PDIA5: variants seen among roughly 807,000 people sequenced by gnomAD.
PDIA5 encodes the protein protein disulfide isomerase family A member 5.
In PDIA5, 58 loss-of-function variants were observed where a neutral mutation model predicts 77.6. The ratio of observed to expected loss-of-function variants is 0.75; its 90% CI spans 0.61 to 0.93. The LOEUF is 0.93. Ranked by LOEUF, PDIA5 falls within the 40% of genes least tolerant of loss-of-function variation. PDIA5 has a pLI of 0.00. For synonymous variants in PDIA5, 250 were observed against 252.1 expected, an observed-to-expected ratio of 0.99 and a Z score of 0.08; for missense variants, 630 against 647.7, an observed-to-expected ratio of 0.97 and a Z score of 0.30.
chr3:123,077,982 G>A (rs1447425158), intron 1 of PDIA5, among the ~76,000 whole-genome samples: 1 of 151,870 alleles, frequency 6.6e-6, no homozygotes, highest in Non-Finnish European at 1.5e-5. Flanking sequence ...GCTAATTTTT[G>A]TATTTTTAGT....
At chr3:123,149,951 C>A (rs1361877935) in intron 13 of PDIA5, among the ~76,000 whole-genome samples, 1 of 152,136 alleles carries the variant, frequency 6.6e-6, no homozygotes, top group Non-Finnish European at 1.5e-5. Context: ...GAGTTCGTGG[C>A]CCACAACTGG....
At chr3:123,131,836 C>T (rs568469905) in intron 11 of PDIA5, among the ~76,000 whole-genome samples, 6 of 151,724 alleles carry the variant, frequency 4.0e-5, no homozygotes, top group African/African-American at 9.7e-5. Flanking sequence ...CAGACAAGGC[C>T]GCGTGAGAGC....
chr3:123,137,814 C>G (rs569005096), intron 11 of PDIA5, among the ~76,000 whole-genome samples: 1 of 152,170 alleles, frequency 6.6e-6, no homozygotes, highest in Non-Finnish European at 1.5e-5. Context: ...ATCCTGACCT[C>G]TGGGATTTGT....
In PDIA5 at chr3:123,131,000, G is replaced by A. The variant is rs572936247; in HGVS notation, c.910+384G>A. Reference sequence around the variant, plus strand: ...TAAAATTAGGGCTGATACCTCATATGGGGGCTCATACCTATAATCCCAGCA... The same window carrying A: ...TAAAATTAGGGCTGATACCTCATATAGGGGCTCATACCTATAATCCCAGCA... On this transcript the variant is annotated intron_variant, in intron 11 of 16. Transcript: ENST00000316218. Among the ~76,000 whole-genome samples, 235 of 152,294 alleles carry A rather than the reference G, an allele frequency of 1.5e-3. 1 individual carries two copies. Among genetic ancestry groups the A allele is most frequent in the African/African-American group, 5.3e-3 (220 of 41,560 alleles).
At chr3:123,078,841 T>C (rs1303653844) in intron 1 of PDIA5, among the ~76,000 whole-genome samples, 1 of 152,204 alleles carries the variant, frequency 6.6e-6, no homozygotes, top group Non-Finnish European at 1.5e-5. Context: ...TTTCATTTAG[T>C]GCATTATATC....
chr3:123,100,283 G>C (rs1028362315), intron 3 of PDIA5, among the ~76,000 whole-genome samples: 4 of 152,240 alleles, frequency 2.6e-5, no homozygotes, highest in Admixed American at 6.5e-5. Flanking sequence ...CTTCACCACA[G>C]AGTCCCTGCG....
intron 7 of PDIA5, among the ~76,000 whole-genome samples, chr3:123,112,313 C>CAT (rs920704446): frequency 1.3e-5 from 2 of 152,050 alleles, no homozygotes; most frequent in African/African-American, 4.8e-5. Flanking sequence ...AGGAGGGTGT[C>CAT]ATAGGCTCTG....
At position 123,102,452 on chromosome 3, in the gene PDIA5, A is replaced by G; in HGVS notation, c.299A>G (p.Asp100Gly). Residue 100 changes from aspartate (D) to glycine (G), a missense_variant, in exon 4 of 17, where the codon GAC (aspartate) becomes GGC (glycine). Asp to Gly is a moderately conservative substitution (Grantham distance 94, BLOSUM62 -1). Coordinates refer to ENST00000316218, the MANE Select transcript of PDIA5 (RefSeq NM_006810.4). ...AAATTGTGCAAGAAGATGAAAGTTG[A>G]CCTGAGCCCGAAGGACAAAAAGGTT... ...SRKLCKKMKV[D>G]LSPKDKKVEL... 6.2e-7 allele frequency: 1 copy of G among 1,614,128 alleles called. No individual in the cohort carries two copies. The highest frequency in any genetic ancestry group is 8.5e-7 in the Non-Finnish European group (1 of 1,179,928).
Position 123,150,305 on chromosome 3 carries a change from A to G in PDIA5, c.1214A>G (p.Asp405Gly). 6.2e-7 allele frequency: 1 copy of G among 1,613,410 alleles called. No individual in the cohort carries two copies. Among genetic ancestry groups the G allele is most frequent in the Non-Finnish European group, 8.5e-7 (1 of 1,179,774 alleles). ...ACAAGCGTGTTGCACCTGGTGGGGGACAACTTCCGGGAGACCCTGAAGAAG... is the reference window on the plus strand; with the variant it reads ...ACAAGCGTGTTGCACCTGGTGGGGGGCAACTTCCGGGAGACCCTGAAGAAG... The part of the protein sequence containing the change: ...QQTSVLHLVG[D>G]NFRETLKKKK... Residue 405 changes from aspartate to glycine, a missense_variant, in exon 14 of 17, where the codon GAC becomes GGC. By Grantham distance (94) the Asp-to-Gly change is moderately conservative (BLOSUM62 -1). Coordinates refer to ENST00000316218, the MANE Select transcript of PDIA5 (RefSeq NM_006810.4).
chr3:123,135,823 CTT>C (rs1935489416), intron 11 of PDIA5, among the ~76,000 whole-genome samples: 2 of 76,076 alleles, frequency 2.6e-5, no homozygotes, highest in South Asian at 8.4e-4. Context: ...TTATTTTTAA[CTT>C]TTATTTTTTA....
At chr3:123,104,935 A>C (rs1255574370) in intron 5 of PDIA5, among the ~76,000 whole-genome samples, 1 of 152,218 alleles carries the variant, frequency 6.6e-6, no homozygotes, top group Non-Finnish European at 1.5e-5. Flanking sequence ...GAGAGAACCT[A>C]TGGGTGGGGT....
In PDIA5 at chr3:123,146,166, C is replaced by CA; in HGVS notation, c.1050dup (p.Glu351ArgfsTer9). 6.2e-7 allele frequency: 1 copy of CA among 1,614,064 alleles called. No homozygotes were observed. The highest frequency in any genetic ancestry group is 8.5e-7 in the Non-Finnish European group (1 of 1,179,878). On this transcript the variant is annotated frameshift_variant, in exon 13 of 17. Transcript: ENST00000316218. LOFTEE classifies it high-confidence loss of function. ...GCCCTGGCAGAAAGATTCCACATCT[C>CA]AGAGTTTCCTACGTTGAAGTATTTT...
intron 13 of PDIA5, 26 bp downstream of exon 13, chr3:123,146,285 A>G (rs1159451015): frequency 6.2e-7 from 1 of 1,603,152 alleles, no homozygotes; most frequent in South Asian, 1.1e-5. Flanking sequence ...TCAGTAGCAC[A>G]TCCTAACTGC....
intron 14 of PDIA5, 143 bp downstream of exon 14, chr3:123,150,507 A>C (rs1935866301): frequency 1.4e-6 from 1 of 723,512 alleles, no homozygotes; most frequent in Non-Finnish European, 2.2e-6. Context: ...CAGGCTCTCC[A>C]ATTTTATTCC....
intron 3 of PDIA5, among the ~76,000 whole-genome samples, 200 bp from the exon 4 acceptor site, chr3:123,102,211 C>T (rs1934619247): frequency 6.6e-6 from 1 of 152,190 alleles, no homozygotes; most frequent in African/African-American, 2.4e-5. Context: ...CGCCCAGCCT[C>T]TGTCTTTCTT....
intron 15 of PDIA5, among the ~76,000 whole-genome samples, chr3:123,159,065 T>C (rs1404625393): frequency 1.3e-5 from 2 of 152,246 alleles, no homozygotes; most frequent in Admixed American, 6.5e-5. Flanking sequence ...ATTTAGTAGA[T>C]TTATAAAACC....
intron 13 of PDIA5, among the ~76,000 whole-genome samples, chr3:123,147,108 G>A (rs1379895225): frequency 6.6e-6 from 1 of 152,204 alleles, no homozygotes; most frequent in Non-Finnish European, 1.5e-5. Context: ...ACCATGTGCA[G>A]CCTATTTTCT....
chr3:123,111,207 TTC>T, intron 7 of PDIA5, among the ~76,000 whole-genome samples: 1 of 152,320 alleles, frequency 6.6e-6, no homozygotes, highest in African/African-American at 2.4e-5. Flanking sequence ...CTGCCCTGCA[TTC>T]TGTCTCCAGT....
intron 3 of PDIA5, among the ~76,000 whole-genome samples, chr3:123,101,088 A>G (rs1934579782): frequency 1.3e-5 from 2 of 152,186 alleles, no homozygotes; most frequent in South Asian, 4.1e-4. Flanking sequence ...GCTGTTGAGA[A>G]CAGGTCAGGT....
Sources: gnomAD v4.1 joint callset for allele counts (sites outside exome capture counted in the v4.1 genomes callset) on GRCh38, gnomAD v4.1.1 for gene constraint, MANE v1.5 for transcripts, NCBI Gene and HGNC (gene_info 2026-07-23, HGNC 2026-07-21) for gene names.